The following ANKS1B variants were observed in gnomAD, a reference collection of about 807,000 sequenced individuals.
ANKS1B encodes ankyrin repeat and sterile alpha motif domain-containing protein 1B.
A neutral mutation model predicts 148.3 loss-of-function variants in ANKS1B; 36 were observed. The observed-to-expected ratio is 0.24, with a 90% confidence interval of 0.19 to 0.32. The LOEUF (loss-of-function observed/expected upper bound fraction) is 0.32, where lower values mean the gene tolerates loss of function less well. Ranked by LOEUF, ANKS1B falls within the 10% of genes least tolerant of loss-of-function variation. The pLI, the probability that ANKS1B is intolerant of heterozygous loss-of-function variation, is 1.00. For synonymous variants in ANKS1B, 542 were observed against 560.8 expected, an observed-to-expected ratio of 0.97 and a Z score of 0.47; for missense variants, 1,157 against 1,542.6, an observed-to-expected ratio of 0.75 and a Z score of 4.19.
intron 11 of ANKS1B, among the ~76,000 whole-genome samples, chr12:99,413,450 T>C (rs911332463): frequency 2.7e-4 from 41 of 152,314 alleles, no homozygotes; most frequent in African/African-American, 9.9e-4. Context: ...TTCTCATCTT[T>C]ATATCAACGC....
At chr12:99,949,628 A>G (rs2095162500) in intron 1 of ANKS1B, among the ~76,000 whole-genome samples, 1 of 152,226 alleles carries the variant, frequency 6.6e-6, no homozygotes, top group South Asian at 2.1e-4. Context: ...ACAGTCAACA[A>G]CAACAACAAA....
intron 9 of ANKS1B, among the ~76,000 whole-genome samples, chr12:99,653,991 C>T (rs1278906445): frequency 1.3e-5 from 2 of 152,050 alleles, no homozygotes; most frequent in Non-Finnish European, 2.9e-5. Flanking sequence ...AGGAACTACG[C>T]GTTAGACTGC....
chr12:99,461,068 A>ATATATATATATATC (rs1567144684), intron 10 of ANKS1B, among the ~76,000 whole-genome samples: 2 of 141,172 alleles, frequency 1.4e-5, no homozygotes, highest in African/African-American at 6.5e-5. Context: ...ATATATATAC[A>ATATATATATATATC]CATACACACA....
intron 1 of ANKS1B, among the ~76,000 whole-genome samples, chr12:99,927,388 A>C (rs1375180909): frequency 6.6e-6 from 1 of 152,204 alleles, no homozygotes; most frequent in Non-Finnish European, 1.5e-5. Flanking sequence ...AACCAAACTT[A>C]GTTATTCAAA....
At chr12:99,830,390 C>A (rs2083777852) in intron 1 of ANKS1B, among the ~76,000 whole-genome samples, 1 of 151,906 alleles carries the variant, frequency 6.6e-6, no homozygotes, top group African/African-American at 2.4e-5. Flanking sequence ...CAACAAAAAT[C>A]TCTATGGAAT....
At chr12:99,520,781 T>TGTTTTTTGTTTTGTTTA (rs1482979740) in intron 9 of ANKS1B, among the ~76,000 whole-genome samples, 1 of 152,094 alleles carries the variant, frequency 6.6e-6, no homozygotes, top group African/African-American at 2.4e-5. Context: ...CCTCTGACTG[T>TGTTTTTTGTTTTGTTTA]GTTTTTTGTT....
At chr12:99,064,567 A>G (rs980969067) in intron 16 of ANKS1B, among the ~76,000 whole-genome samples, 3 of 152,226 alleles carry the variant, frequency 2.0e-5, no homozygotes, top group African/African-American at 7.2e-5. Flanking sequence ...CCTTGGGAAA[A>G]AAGGTCAACC....
intron 10 of ANKS1B, among the ~76,000 whole-genome samples, chr12:99,484,690 T>A (rs535609494): frequency 6.6e-6 from 1 of 151,822 alleles, no homozygotes; most frequent in African/African-American, 2.4e-5. Context: ...TATATATATT[T>A]AGGATGGTAA....
At chr12:99,617,894 T>G (rs1250250068) in intron 9 of ANKS1B, among the ~76,000 whole-genome samples, 1 of 152,182 alleles carries the variant, frequency 6.6e-6, no homozygotes, top group African/African-American at 2.4e-5. Context: ...ACTGAGTGAT[T>G]TTTAATGTAA....
chr12:99,538,988 C>T (rs1596579346), intron 9 of ANKS1B, among the ~76,000 whole-genome samples: 2 of 152,056 alleles, frequency 1.3e-5, no homozygotes, highest in East Asian at 1.9e-4. Flanking sequence ...CAGCATCAAT[C>T]GAAATGGTCA....
At chr12:99,532,842 G>T (rs761196905) in intron 9 of ANKS1B, among the ~76,000 whole-genome samples, 18 of 152,126 alleles carry the variant, frequency 1.2e-4, no homozygotes, top group South Asian at 2.1e-4. Flanking sequence ...TAGGTATTTT[G>T]CTTTGTTTCT....
chr12:99,182,445 C>T (rs1226900478), intron 14 of ANKS1B, among the ~76,000 whole-genome samples: 3 of 152,308 alleles, frequency 2.0e-5, no homozygotes, highest in East Asian at 1.9e-4. Context: ...GCTTATTTTA[C>T]TTAACATAAG....
intron 14 of ANKS1B, among the ~76,000 whole-genome samples, chr12:99,168,346 G>T (rs149607765): frequency 1.3e-4 from 20 of 151,876 alleles, no homozygotes; most frequent in Non-Finnish European, 2.4e-4. Context: ...GTGAAACCCC[G>T]TCTCTATTAA....
chr12:98,804,023 G>A (rs1381211980), intron 20 of ANKS1B, among the ~76,000 whole-genome samples: 1 of 152,088 alleles, frequency 6.6e-6, no homozygotes, highest in Non-Finnish European at 1.5e-5. Flanking sequence ...GAAATTAGTG[G>A]AACATCCACT....
intron 11 of ANKS1B, among the ~76,000 whole-genome samples, chr12:99,413,792 C>A (rs1210831719): frequency 6.6e-6 from 1 of 152,138 alleles, no homozygotes; most frequent in Admixed American, 6.5e-5. Context: ...TCAGACACTG[C>A]AATCCCACAT....
intron 17 of ANKS1B, among the ~76,000 whole-genome samples, chr12:98,975,000 G>T: frequency 1.7e-5 from 2 of 118,432 alleles, no homozygotes; most frequent in African/African-American, 3.4e-5. Context: ...CTTCTTCCTT[G>T]CTTCCTTCCT....
intron 14 of ANKS1B, among the ~76,000 whole-genome samples, chr12:99,207,906 G>T (rs1322963640): frequency 6.6e-6 from 1 of 152,094 alleles, no homozygotes; most frequent in East Asian, 1.9e-4. Context: ...TGAATCTTGT[G>T]AAAGGAACTC....
chr12:99,484,055 C>G (rs931642866), intron 10 of ANKS1B, among the ~76,000 whole-genome samples: 12 of 151,316 alleles, frequency 7.9e-5, no homozygotes, highest in African/African-American at 2.4e-4. Flanking sequence ...TTAGTTTGTT[C>G]TTGTTTCTCT....
chr12:99,281,580 A>G (rs950290831), intron 12 of ANKS1B, among the ~76,000 whole-genome samples: 14 of 152,198 alleles, frequency 9.2e-5, no homozygotes, highest in Non-Finnish European at 1.6e-4. Context: ...GTACTTCCAA[A>G]ATAATTAGCA....
Sources: gnomAD v4.1 joint callset for allele counts (sites outside exome capture counted in the v4.1 genomes callset) on GRCh38, gnomAD v4.1.1 for gene constraint, MANE v1.5 for transcripts, NCBI Gene and HGNC (gene_info 2026-07-23, HGNC 2026-07-21) for gene names.